The following PDLIM5 variants were observed in gnomAD, a reference collection of about 807,000 sequenced individuals.
The protein encoded by PDLIM5 is PDZ and LIM domain 5, also known as PDZ and LIM domain protein 5.
Under a neutral mutation model 64.2 loss-of-function variants are expected in PDLIM5, and 34 were observed. The ratio of observed to expected loss-of-function variants is 0.53; its 90% CI spans 0.40 to 0.71. The LOEUF (loss-of-function observed/expected upper bound fraction) is 0.71, where lower values mean the gene tolerates loss of function less well. Ranked by LOEUF, PDLIM5 falls within the 30% of genes least tolerant of loss-of-function variation. PDLIM5 has a pLI of 0.00. For missense variants in PDLIM5, 683 were observed against 733.6 expected (o/e 0.93, Z 0.80); for synonymous variants, 253 against 269.1 (o/e 0.94, Z 0.59).
chr4:94,651,196 C>T (rs1032112257), intron 9 of PDLIM5, among the ~76,000 whole-genome samples: 4 of 152,168 alleles, frequency 2.6e-5, no homozygotes, highest in African/African-American at 9.7e-5. Flanking sequence ...TGCATAATTT[C>T]AAGGGCATTG....
chr4:94,601,455 A>G (rs947913631), intron 7 of PDLIM5, among the ~76,000 whole-genome samples: 8 of 152,184 alleles, frequency 5.3e-5, no homozygotes, highest in Admixed American at 2.6e-4. Flanking sequence ...ACAACAAATA[A>G]TAAGTTCCAA....
intron 2 of PDLIM5, among the ~76,000 whole-genome samples, chr4:94,507,096 C>T (rs1407489630): frequency 6.6e-6 from 1 of 152,108 alleles, no homozygotes; most frequent in Non-Finnish European, 1.5e-5. Flanking sequence ...GGCGTCTCTG[C>T]TTTTGAGGCT....
At chr4:94,483,384 C>T (rs757942797) in intron 2 of PDLIM5, among the ~76,000 whole-genome samples, 6 of 152,028 alleles carry the variant, frequency 3.9e-5, no homozygotes, top group Non-Finnish European at 7.4e-5. Context: ...AAGTACATGG[C>T]CAGTTTTACT....
intron 8 of PDLIM5, among the ~76,000 whole-genome samples, chr4:94,634,571 G>A (rs887027519): frequency 1.3e-5 from 2 of 152,064 alleles, no homozygotes; most frequent in Admixed American, 6.5e-5. Flanking sequence ...AGTGTATGTC[G>A]GTAGTAAGAA....
intron 8 of PDLIM5, among the ~76,000 whole-genome samples, chr4:94,633,210 A>C: frequency 6.6e-6 from 1 of 152,224 alleles, no homozygotes; most frequent in East Asian, 1.9e-4. Context: ...AATATTAATG[A>C]AACATGATCA....
intron 11 of PDLIM5, among the ~76,000 whole-genome samples, chr4:94,662,062 G>A (rs934237845): frequency 5.9e-5 from 9 of 151,964 alleles, no homozygotes; most frequent in African/African-American, 2.2e-4. Flanking sequence ...CTCGTGATCT[G>A]CCTACCTCAG....
chr4:94,605,739 A>T (rs1487928083), intron 7 of PDLIM5, among the ~76,000 whole-genome samples: 3 of 152,132 alleles, frequency 2.0e-5, no homozygotes, highest in Non-Finnish European at 4.4e-5. Flanking sequence ...TGACTTGGAG[A>T]TCATCTTCAA....
intron 2 of PDLIM5, among the ~76,000 whole-genome samples, chr4:94,487,518 T>G (rs1726460651): frequency 6.6e-6 from 1 of 152,220 alleles, no homozygotes; most frequent in African/African-American, 2.4e-5. Context: ...CTTTCACACC[T>G]CTTGCAGCCT....
intron 7 of PDLIM5, chr4:94,608,128 T>C (rs1738075078): frequency 6.5e-7 from 1 of 1,530,888 alleles, no homozygotes; most frequent in East Asian, 2.4e-5. Flanking sequence ...AGGTGTTAAC[T>C]ATTGGTAGCC....
intron 3 of PDLIM5, among the ~76,000 whole-genome samples, chr4:94,562,517 G>A (rs1410406251): frequency 3.9e-5 from 6 of 152,158 alleles, no homozygotes; most frequent in Admixed American, 2.6e-4. Flanking sequence ...CTGGTCTGTA[G>A]GGAGATAAGC....
At chr4:94,544,563 A>G (rs1232770875) in intron 3 of PDLIM5, among the ~76,000 whole-genome samples, 1 of 152,166 alleles carries the variant, frequency 6.6e-6, no homozygotes, top group Non-Finnish European at 1.5e-5. Flanking sequence ...TATGACTAGG[A>G]GCTGCGCATC....
chr4:94,598,309 G>C (rs1442432055), intron 7 of PDLIM5, among the ~76,000 whole-genome samples: 1 of 152,136 alleles, frequency 6.6e-6, no homozygotes, highest in Non-Finnish European at 1.5e-5. Context: ...ATAAGCAGTA[G>C]TTCTGTTCTG....
chr4:94,659,194 A>G (rs1359191265), intron 11 of PDLIM5, among the ~76,000 whole-genome samples: 1 of 152,098 alleles, frequency 6.6e-6, no homozygotes, highest in Non-Finnish European at 1.5e-5. Flanking sequence ...CTCTATCTCA[A>G]TAAATAACCC....
chr4:94,627,997 T>G (rs1392561916), intron 8 of PDLIM5, among the ~76,000 whole-genome samples: 1 of 152,232 alleles, frequency 6.6e-6, no homozygotes. Flanking sequence ...AGTTGTTGAA[T>G]GAGTGGATGT....
chr4:94,628,728 A>G (rs1015257990), intron 8 of PDLIM5, among the ~76,000 whole-genome samples: 4 of 152,152 alleles, frequency 2.6e-5, no homozygotes, highest in Non-Finnish European at 5.9e-5. Flanking sequence ...ACATGTCAGA[A>G]CTCTAGACAT....
chr4:94,465,829 G>A (rs1724305075), intron 2 of PDLIM5, among the ~76,000 whole-genome samples: 1 of 152,270 alleles, frequency 6.6e-6, no homozygotes, highest in South Asian at 2.1e-4. Flanking sequence ...AAACTGAGTA[G>A]TAATAATGTG....
intron 3 of PDLIM5, among the ~76,000 whole-genome samples, chr4:94,525,517 G>A (rs1342096347): frequency 6.6e-6 from 1 of 152,150 alleles, no homozygotes; most frequent in Non-Finnish European, 1.5e-5. Context: ...GCCTCTCCTA[G>A]GAGTCGTGTT....
At chr4:94,508,797 T>C (rs1044409546) in intron 2 of PDLIM5, among the ~76,000 whole-genome samples, 9 of 152,216 alleles carry the variant, frequency 5.9e-5, no homozygotes, top group Non-Finnish European at 1.2e-4. Context: ...TGGCAAAAAC[T>C]GTGATTACTT....
intron 8 of PDLIM5, among the ~76,000 whole-genome samples, chr4:94,625,134 C>A (rs1436671593): frequency 2.0e-5 from 3 of 152,220 alleles, no homozygotes; most frequent in Non-Finnish European, 4.4e-5. Flanking sequence ...CTGGTTTTAA[C>A]CATTGCCCTC....
Sources: allele counts gnomAD v4.1 joint callset (sites outside exome capture counted in the v4.1 genomes callset), GRCh38; gene constraint gnomAD v4.1.1; transcripts MANE v1.5; gene names NCBI Gene and HGNC (gene_info 2026-07-23, HGNC 2026-07-21).